FRMD4B: variants seen among roughly 807,000 people sequenced by gnomAD.
FRMD4B encodes the protein FERM domain containing 4B, also known as FERM domain-containing protein 4B.
FRMD4B carries 74 observed loss-of-function variants against 141.5 expected under a neutral mutation model. The ratio of observed to expected loss-of-function variants is 0.52; its 90% CI spans 0.43 to 0.63. The LOEUF is 0.63. Ranked by LOEUF, FRMD4B falls within the 30% of genes least tolerant of loss-of-function variation. FRMD4B has a pLI of 0.00. For synonymous variants in FRMD4B, 506 were observed against 467.9 expected (o/e 1.08, Z -1.05); for missense variants, 1,366 against 1,253.4 (o/e 1.09, Z -1.36).
At chr3:69,400,228 A>ACC (rs1413271142) in intron 2 of FRMD4B, among the ~76,000 whole-genome samples, 2 of 151,782 alleles carry the variant, frequency 1.3e-5, no homozygotes, top group African/African-American at 4.9e-5. Flanking sequence ...TTCACCCCAA[A>ACC]AAAAAAAAAT....
At chr3:69,261,094 C>T (rs1367366867) in intron 5 of FRMD4B, among the ~76,000 whole-genome samples, 2 of 152,186 alleles carry the variant, frequency 1.3e-5, no homozygotes, top group Admixed American at 1.3e-4. Context: ...TCACTTTTCA[C>T]ACTGTGGAAG....
At chr3:69,325,085 A>G (rs144566167) in intron 1 of FRMD4B, among the ~76,000 whole-genome samples, 1,552 of 80,042 alleles carry the variant, frequency 0.019, 43 homozygotes, top group East Asian at 0.098. Context: ...TAAAAAAAAA[A>G]AAAGAAAGAA....
intron 11 of FRMD4B, among the ~76,000 whole-genome samples, chr3:69,199,843 G>C (rs1415264345): frequency 2.6e-5 from 4 of 152,198 alleles, no homozygotes; most frequent in African/African-American, 9.7e-5. Context: ...ACAGAATTGA[G>C]GATGCCTTGC....
intron 5 of FRMD4B, among the ~76,000 whole-genome samples, chr3:69,254,279 A>ATT (rs1051769893): frequency 6.7e-6 from 1 of 149,996 alleles, no homozygotes; most frequent in African/African-American, 2.4e-5. Context: ...TAATTTTTGT[A>ATT]TTTTTTTTTA....
chr3:69,370,279 C>T (rs1467375937), intron 1 of FRMD4B, among the ~76,000 whole-genome samples: 4 of 152,080 alleles, frequency 2.6e-5, no homozygotes, highest in African/African-American at 9.7e-5. Flanking sequence ...AAATGTCTGT[C>T]AGGAAAAACA....
At chr3:69,327,871 G>T (rs1026163000) in intron 1 of FRMD4B, among the ~76,000 whole-genome samples, 1 of 152,258 alleles carries the variant, frequency 6.6e-6, no homozygotes, top group Non-Finnish European at 1.5e-5. Context: ...CAACTTACAG[G>T]CTTATATTAT....
intron 7 of FRMD4B, among the ~76,000 whole-genome samples, chr3:69,230,341 C>T (rs2093295586): frequency 6.6e-6 from 1 of 152,188 alleles, no homozygotes; most frequent in Admixed American, 6.5e-5. Context: ...TAGGAACTCT[C>T]ATCCATTACT....
In FRMD4B at chr3:69,509,816, TGGGTCACATTTTA is replaced by T. The variant is rs1706661070; in HGVS notation, c.-129+32377_-129+32389del. ...ACAGCATGTACTCACTTTATGTCAC[TGGGTCACATTTTA>T]GTAATTTTACTAAAATTTTAGTAAA... On this transcript the variant is annotated intron_variant, in intron 1 of 5. Transcript: ENST00000459638. Among the ~76,000 whole-genome samples, 5 of 152,132 alleles carry T rather than the reference TGGGTCACATTTTA, an allele frequency of 3.3e-5. No homozygotes were observed. The South Asian group carries it at 1.0e-3, about 32-fold the overall frequency.
At chr3:69,340,759 G>A (rs923104191) in intron 1 of FRMD4B, among the ~76,000 whole-genome samples, 9 of 152,110 alleles carry the variant, frequency 5.9e-5, no homozygotes, top group East Asian at 1.9e-4. Flanking sequence ...GAGTGTTATC[G>A]TCTTTTAGTT....
At chr3:69,265,115 G>C (rs938165473) in intron 5 of FRMD4B, among the ~76,000 whole-genome samples, 1 of 150,106 alleles carries the variant, frequency 6.7e-6, no homozygotes, top group Admixed American at 6.7e-5. Flanking sequence ...ATTAGCCGGG[G>C]GCAGTGGTGG....
At chr3:69,301,166 C>T (rs545831289) in intron 4 of FRMD4B, among the ~76,000 whole-genome samples, 45 of 152,210 alleles carry the variant, frequency 3.0e-4, no homozygotes, top group African/African-American at 9.6e-4. Context: ...AACAACTTAC[C>T]CTATTTTTCT....
intron 2 of FRMD4B, among the ~76,000 whole-genome samples, chr3:69,423,787 G>A (rs1705024836): frequency 1.3e-5 from 2 of 152,092 alleles, no homozygotes; most frequent in African/African-American, 2.4e-5. Context: ...ACCAGAAAGT[G>A]GACCCTTATC....
rs374080771 is a variant in FRMD4B at position 69,182,720 on chromosome 3, G to A, written c.1920-3C>T. ...TGCTGTGTGTGGACAGCATTTCTCTGTGATGATAAAAAGAAGAATTCAGGA... is the reference window on the plus strand; with the variant it reads ...TGCTGTGTGTGGACAGCATTTCTCTATGATGATAAAAAGAAGAATTCAGGA... On this transcript the variant is annotated splice_polypyrimidine_tract_variant and splice_region_variant and intron_variant, in intron 19 of 22. Transcript: ENST00000398540. The A allele has an allele frequency of 2.5e-6, 4 of 1,610,236 alleles. No homozygotes were observed. In the African/African-American group the frequency reaches 5.4e-5, roughly 22 times the overall value.
chr3:69,503,383 T>C (rs1204369128), intron 1 of FRMD4B, among the ~76,000 whole-genome samples: 2 of 151,884 alleles, frequency 1.3e-5, no homozygotes, highest in African/African-American at 2.4e-5. Context: ...ATGTCCTTTG[T>C]AGGGACATGG....
At chr3:69,269,274 A>G (rs185385119) in intron 5 of FRMD4B, among the ~76,000 whole-genome samples, 2 of 151,948 alleles carry the variant, frequency 1.3e-5, no homozygotes, top group Admixed American at 1.3e-4. Context: ...TTGGAATAAT[A>G]TCATCAATAA....
chr3:69,301,100 C>T (rs952044372), intron 4 of FRMD4B, among the ~76,000 whole-genome samples: 13 of 152,082 alleles, frequency 8.5e-5, no homozygotes, highest in Admixed American at 8.5e-4. Context: ...TAGATTTTTA[C>T]ACACCCAAGG....
rs1172501796 is a variant in FRMD4B, at chr3:69,437,872, A to G, written c.-128-5111T>C. On this transcript the variant is annotated intron_variant, in intron 1 of 5. Coordinates refer to the FRMD4B transcript ENST00000459638. ...ATACTATAGTATATATGTAGTATAT[A>G]TGTAGTATATATACTATATAATATA... 3.0e-5 allele frequency among the ~76,000 whole-genome samples: 4 copies of G among 131,174 alleles called. No homozygotes were observed. In the East Asian group the frequency reaches 8.5e-4, roughly 28 times the overall value. 86.1% of individuals were successfully genotyped at this position (131,174 alleles called of 152,430 possible). A position where few individuals can be genotyped will look rare whatever the true frequency, so the allele number is the denominator to read the frequency against.
intron 1 of FRMD4B, chr3:69,536,342 C>A (rs1701084523): frequency 3.0e-6 from 2 of 670,784 alleles, no homozygotes; most frequent in Non-Finnish European, 5.4e-6. Context: ...CCAGTGGCCC[C>A]CCTTGCTTCG....
chr3:69,293,921 T>A (rs1700959831), intron 4 of FRMD4B, among the ~76,000 whole-genome samples: 1 of 148,652 alleles, frequency 6.7e-6, no homozygotes, highest in African/African-American at 2.5e-5. Flanking sequence ...CAAGTATCTT[T>A]CCTAAGTTCT....
Sources: allele counts gnomAD v4.1 joint callset (sites outside exome capture counted in the v4.1 genomes callset), GRCh38; gene constraint gnomAD v4.1.1; transcripts MANE v1.5; gene names NCBI Gene and HGNC (gene_info 2026-07-23, HGNC 2026-07-21).